Variants in PTPN14 observed in about 807,000 individuals in gnomAD.
The protein encoded by PTPN14 is protein tyrosine phosphatase non-receptor type 14, also known as tyrosine-protein phosphatase non-receptor type 14.
A neutral mutation model predicts 126.8 loss-of-function variants in PTPN14; 53 were observed. The observed-to-expected ratio is 0.42, with a 90% CI of 0.34 to 0.53. PTPN14 has a LOEUF of 0.53. Among genes scored for constraint, PTPN14 ranks in the 20% least tolerant of loss-of-function variants. PTPN14 has a pLI of 0.08. For missense variants in PTPN14, 1,257 were observed against 1,552.9 expected (o/e 0.81, Z 3.20); for synonymous variants, 630 against 599.3 (o/e 1.05, Z -0.75).
Position 214,435,912 on chromosome 1 carries a change from T to C in PTPN14, c.344+15893A>G, listed in dbSNP as rs139365716. ...TATGGGGTATATACCCAAAGCAATA[T>C]AAATCATTCCATTATAAAGACACAT... On this transcript the variant is annotated intron_variant, in intron 3 of 18. Transcript: ENST00000366956. 4.5e-4 allele frequency among the ~76,000 whole-genome samples: 69 copies of C among 152,214 alleles called. 1 individual carries two copies. Among genetic ancestry groups the C allele is most frequent in the African/African-American group, 1.6e-3 (66 of 41,518 alleles).
In PTPN14 at chr1:214,369,694, A is replaced by G. The variant is rs1658168904; in HGVS notation, c.3037-3T>C. The G allele has an allele frequency of 1.2e-6, 2 of 1,613,198 alleles. No homozygotes were observed. The highest frequency in any genetic ancestry group is 1.7e-6 in the Non-Finnish European group (2 of 1,179,300). ...TGGCTTTTGGTTCGTCCACCCTCCT[A>G]AATCACATATAAAAGCAAAATTGGA... On this transcript the variant is annotated splice_polypyrimidine_tract_variant and splice_region_variant and intron_variant, in intron 16 of 18. Coordinates refer to ENST00000366956, the MANE Select transcript of PTPN14 (RefSeq NM_005401.5).
chr1:214,467,207 A>C (rs1158371899), intron 1 of PTPN14, among the ~76,000 whole-genome samples: 1 of 151,574 alleles, frequency 6.6e-6, no homozygotes, highest in African/African-American at 2.4e-5. Context: ...AGTGGGGGGA[A>C]GCCAAAATTC....
chr1:214,402,838 A>G (rs370930733), intron 6 of PTPN14, 45 bp downstream of exon 6: 9 of 1,595,048 alleles, frequency 5.6e-6, no homozygotes, highest in Non-Finnish European at 7.7e-6. Context: ...CATGGGCTGT[A>G]AACATCTGTT....
At chr1:214,525,127 T>G (rs1363648435) in intron 1 of PTPN14, among the ~76,000 whole-genome samples, 1 of 152,154 alleles carries the variant, frequency 6.6e-6, no homozygotes, top group East Asian at 1.9e-4. Context: ...GAATCAGCAC[T>G]AAATCTCTGC....
In PTPN14 at chr1:214,476,360, G is replaced by C. The variant is rs114317623; in HGVS notation, c.-154-11403C>G. 8.3e-3 allele frequency among the ~76,000 whole-genome samples: 1,257 copies of C among 152,336 alleles called. 17 individuals are homozygous for C. Among genetic ancestry groups the C allele is most frequent in the African/African-American group, 0.029 (1,194 of 41,576 alleles). ...CTCACTGAGGATAAACATACCTTGA[G>C]CTTGCTTCGCTCTTTTCCGGAGAGG... On this transcript the variant is annotated intron_variant, in intron 1 of 18. Transcript: ENST00000366956.
chr1:214,436,718 C>T (rs770415616), intron 3 of PTPN14, among the ~76,000 whole-genome samples: 130 of 144,502 alleles, frequency 9.0e-4, no homozygotes, highest in Admixed American at 5.5e-3. Context: ...ACCCGGGAGG[C>T]GGAGGTTGCA....
At chr1:214,518,597 T>C (rs1031436089) in intron 1 of PTPN14, among the ~76,000 whole-genome samples, 3 of 152,168 alleles carry the variant, frequency 2.0e-5, no homozygotes, top group Admixed American at 2.0e-4. Flanking sequence ...AAAAATGAAC[T>C]TCCTCTGGGT....
intron 1 of PTPN14, among the ~76,000 whole-genome samples, chr1:214,488,719 G>T (rs928031588): frequency 6.6e-6 from 1 of 152,180 alleles, no homozygotes; most frequent in Non-Finnish European, 1.5e-5. Context: ...TAGTGGGGAT[G>T]AATTCTTCAG....
chr1:214,486,733 C>G (rs896525082), intron 1 of PTPN14, among the ~76,000 whole-genome samples: 4 of 152,178 alleles, frequency 2.6e-5, no homozygotes, highest in Non-Finnish European at 4.4e-5. Flanking sequence ...GCATTGTTCC[C>G]CTTCTGTTTG....
Position 214,411,552 on chromosome 1 carries a change from C to T in PTPN14, c.510+132G>A. The T allele has an allele frequency of 5.2e-6, 3 of 573,080 alleles. No homozygotes were observed. The South Asian group carries it at 9.1e-5, about 17-fold the overall frequency. 35.5% of individuals were successfully genotyped at this position (573,080 alleles called of 1,614,324 possible). ...TTCTCAGTGTGTTTTATAAAACTTG[C>T]CCCTACTTTATAAACCCATCGACTT... On this transcript the variant is annotated intron_variant, in intron 5 of 18. Coordinates refer to ENST00000366956, the MANE Select transcript of PTPN14 (RefSeq NM_005401.5).
chr1:214,537,962 A>T (rs185566241), intron 1 of PTPN14, among the ~76,000 whole-genome samples: 73 of 152,360 alleles, frequency 4.8e-4, no homozygotes, highest in African/African-American at 1.8e-3. Flanking sequence ...TAAATAAAAA[A>T]TTATGAGATA....
intron 11 of PTPN14, among the ~76,000 whole-genome samples, chr1:214,389,042 C>T (rs1039666155): frequency 6.6e-5 from 10 of 152,200 alleles, no homozygotes; most frequent in African/African-American, 2.4e-4. Context: ...CCAAGTCTCC[C>T]TTTGGCTGAT....
chr1:214,430,207 G>A (rs759877023), intron 3 of PTPN14, among the ~76,000 whole-genome samples: 42 of 151,932 alleles, frequency 2.8e-4, no homozygotes, highest in Non-Finnish European at 5.3e-4. Flanking sequence ...CACACTTTCC[G>A]CTCATCCATC....
intron 1 of PTPN14, among the ~76,000 whole-genome samples, chr1:214,512,875 A>G (rs12568895): frequency 0.033 from 5,063 of 152,068 alleles, 287 homozygotes; most frequent in East Asian, 0.26. Flanking sequence ...GTTTTTTTGT[A>G]GAGACAAGTT....
chr1:214,550,702 G>A (rs1405400804), intron 1 of PTPN14, among the ~76,000 whole-genome samples: 1 of 152,162 alleles, frequency 6.6e-6, no homozygotes, highest in Non-Finnish European at 1.5e-5. Context: ...TAGTGAGAGG[G>A]CAGGAAAACT....
intron 13 of PTPN14, among the ~76,000 whole-genome samples, chr1:214,378,749 T>C (rs1251961788): frequency 6.6e-6 from 1 of 151,086 alleles, no homozygotes. Context: ...TCACCTAAGA[T>C]GATCCGCAGG....
rs376847570 is a variant in PTPN14 at position 214,430,123 on chromosome 1, G to A, written c.345-15397C>T. On this transcript the variant is annotated intron_variant, in intron 3 of 18. Transcript: ENST00000366956. ...TTATTTGCTTCCTACCACATTCTAG[G>A]TATCCTTGAGGACTTTGCATTGCAA... is the stretch of plus-strand genomic sequence containing the variant. Among the ~76,000 whole-genome samples the A allele has an allele frequency of 6.6e-4, 101 of 152,278 alleles. 1 individual carries two copies. The highest frequency in any genetic ancestry group is 3.9e-3 in the South Asian group (19 of 4,824).
rs1173972934 is a variant in PTPN14 at position 214,415,082 on chromosome 1, C to CA, written c.345-357dup. 2.6e-5 allele frequency among the ~76,000 whole-genome samples: 4 copies of CA among 152,326 alleles called. No homozygotes were observed. In the East Asian group the frequency reaches 7.7e-4, roughly 29 times the overall value. On this transcript the variant is annotated intron_variant, in intron 3 of 18. Coordinates refer to ENST00000366956, the MANE Select transcript of PTPN14 (RefSeq NM_005401.5). ...CACGACAACACGACTGCCAAAGCTACACTCAACAGTGTGCGTTCCTGAATG... is the reference window on the plus strand; with the variant it reads ...CACGACAACACGACTGCCAAAGCTACAACTCAACAGTGTGCGTTCCTGAATG...
intron 1 of PTPN14, among the ~76,000 whole-genome samples, chr1:214,493,807 T>C (rs886649390): frequency 6.6e-6 from 1 of 152,192 alleles, no homozygotes; most frequent in African/African-American, 2.4e-5. Flanking sequence ...ATGATTACAC[T>C]AGTTAAGATC....
Sources: allele counts gnomAD v4.1 joint callset (sites outside exome capture counted in the v4.1 genomes callset), GRCh38; gene constraint gnomAD v4.1.1; transcripts MANE v1.5; gene names NCBI Gene and HGNC (gene_info 2026-07-23, HGNC 2026-07-21).